Variants in GPC5 observed in about 807,000 individuals in gnomAD.
GPC5 encodes glypican 5, also known as glypican-5.
A neutral mutation model predicts 53.9 loss-of-function variants in GPC5; 47 were observed. The observed-to-expected ratio is 0.87, with a 90% CI of 0.69 to 1.11. The LOEUF is 1.11. Among genes scored for constraint, GPC5 ranks in the 50% most tolerant of loss-of-function variants. The pLI is 0.00. For synonymous variants in GPC5, 286 were observed against 263.3 expected, an observed-to-expected ratio of 1.09 and a Z score of -0.84; for missense variants, 748 against 713.1, an observed-to-expected ratio of 1.05 and a Z score of -0.56.
At position 91,544,286 on chromosome 13, in the gene GPC5, TTTC is replaced by T. The variant is rs1229501206; in HGVS notation, c.325+95370_325+95372del. Among the ~76,000 whole-genome samples the T allele has an allele frequency of 5.9e-5, 9 of 152,292 alleles. No homozygotes were observed. In the South Asian group the frequency reaches 1.2e-3, roughly 21 times the overall value. On this transcript the variant is annotated intron_variant, in intron 2 of 7. Coordinates refer to ENST00000377067, the MANE Select transcript of GPC5 (RefSeq NM_004466.6). ...TAATATTTTAAATTTAGAGTTTTAA[TTTC>T]TTCTTAGACACAATATTTTTAAAGA...
intron 7 of GPC5, among the ~76,000 whole-genome samples, chr13:92,469,272 G>A (rs1337495819): frequency 2.0e-5 from 3 of 151,746 alleles, no homozygotes; most frequent in South Asian, 2.1e-4. Flanking sequence ...GCAGTGGTGC[G>A]ATCTCAGCTC....
intron 2 of GPC5, among the ~76,000 whole-genome samples, chr13:91,477,212 G>A (rs1326582117): frequency 2.0e-5 from 3 of 151,968 alleles, no homozygotes; most frequent in African/African-American, 4.8e-5. Flanking sequence ...ATATGACATT[G>A]TAGCAATACA....
intron 7 of GPC5, among the ~76,000 whole-genome samples, chr13:92,775,090 T>A (rs1447756525): frequency 6.6e-6 from 1 of 152,198 alleles, no homozygotes; most frequent in Non-Finnish European, 1.5e-5. Flanking sequence ...GTCACAGTAT[T>A]TGAAGGCTAT....
At chr13:92,102,516 C>T (rs1018398374) in intron 6 of GPC5, among the ~76,000 whole-genome samples, 2 of 152,038 alleles carry the variant, frequency 1.3e-5, no homozygotes, top group African/African-American at 4.8e-5. Context: ...CAGAATAAGA[C>T]AATGTTTCTC....
In GPC5 at chr13:91,983,324, C is replaced by G. The variant is rs142256681; in HGVS notation, c.1401+75267C>G. On this transcript the variant is annotated intron_variant, in intron 6 of 7. Coordinates refer to ENST00000377067, the MANE Select transcript of GPC5 (RefSeq NM_004466.6). The stretch of plus-strand genomic sequence containing the variant: ...TAGCGCCACTGCACTTCAGCCTGGG[C>G]GACAGAGCCAGACCCTGTCTCAAAA... Among the ~76,000 whole-genome samples, 890 of 149,072 alleles carry G rather than the reference C, an allele frequency of 6.0e-3. 8 individuals are homozygous for G. The highest frequency in any genetic ancestry group is 0.02 in the African/African-American group (821 of 40,920).
intron 7 of GPC5, among the ~76,000 whole-genome samples, chr13:92,785,466 T>C (rs910636625): frequency 9.9e-5 from 15 of 152,204 alleles, no homozygotes; most frequent in African/African-American, 1.9e-4. Flanking sequence ...ATCTTCCTAA[T>C]TCATATGTGC....
At chr13:92,320,128 T>C (rs1053094833) in intron 7 of GPC5, among the ~76,000 whole-genome samples, 2 of 152,168 alleles carry the variant, frequency 1.3e-5, no homozygotes, top group Non-Finnish European at 2.9e-5. Context: ...AGGATATTGC[T>C]TATACATTAG....
At chr13:91,634,087 A>G (rs1022126293) in intron 2 of GPC5, among the ~76,000 whole-genome samples, 1 of 152,040 alleles carries the variant, frequency 6.6e-6, no homozygotes, top group Non-Finnish European at 1.5e-5. Context: ...TGAGGACATC[A>G]TTTATTGGCT....
intron 7 of GPC5, among the ~76,000 whole-genome samples, chr13:92,535,673 A>G (rs1387851193): frequency 6.6e-6 from 1 of 151,868 alleles, no homozygotes; most frequent in African/African-American, 2.4e-5. Flanking sequence ...TTTATTAAAA[A>G]AAAAAACAAC....
chr13:92,542,312 C>T (rs1481572706), intron 7 of GPC5, among the ~76,000 whole-genome samples: 1 of 151,890 alleles, frequency 6.6e-6, no homozygotes, highest in East Asian at 1.9e-4. Flanking sequence ...TATCAATTAA[C>T]CAACCTCACC....
chr13:92,378,063 C>T (rs1224538749), intron 7 of GPC5, among the ~76,000 whole-genome samples: 1 of 152,072 alleles, frequency 6.6e-6, no homozygotes, highest in African/African-American at 2.4e-5. Flanking sequence ...TATTCTCAGG[C>T]ATATTTCCTT....
intron 7 of GPC5, among the ~76,000 whole-genome samples, chr13:92,454,237 C>G (rs1878177635): frequency 6.6e-6 from 1 of 152,096 alleles, no homozygotes; most frequent in African/African-American, 2.4e-5. Flanking sequence ...CATTTTTTTC[C>G]TTTTACAAAA....
intron 7 of GPC5, among the ~76,000 whole-genome samples, chr13:92,586,948 ACACACACACACACACGCG>A: frequency 1.3e-5 from 1 of 75,716 alleles, no homozygotes; most frequent in Non-Finnish European, 2.7e-5. Flanking sequence ...TCTCTTGCAT[ACACACACACACACACGCG>A]CACACACACA....
At chr13:91,508,014 C>A (rs1223487488) in intron 2 of GPC5, among the ~76,000 whole-genome samples, 1 of 152,034 alleles carries the variant, frequency 6.6e-6, no homozygotes, top group Non-Finnish European at 1.5e-5. Flanking sequence ...TAGAAAATGT[C>A]TTGACTTTGA....
chr13:92,270,890 C>T (rs1264686613), intron 7 of GPC5, among the ~76,000 whole-genome samples: 2 of 152,138 alleles, frequency 1.3e-5, no homozygotes, highest in Admixed American at 1.3e-4. Context: ...TTATATAATA[C>T]ATAATCTTGC....
intron 6 of GPC5, among the ~76,000 whole-genome samples, chr13:91,948,514 T>C (rs1276551152): frequency 6.6e-6 from 1 of 152,056 alleles, no homozygotes; most frequent in African/African-American, 2.4e-5. Flanking sequence ...GAATTTGAGG[T>C]GAATGTTTTA....
At chr13:91,923,585 TA>T (rs1179466852) in intron 6 of GPC5, among the ~76,000 whole-genome samples, 1 of 151,976 alleles carries the variant, frequency 6.6e-6, no homozygotes, top group East Asian at 1.9e-4. Context: ...CTTATGAATG[TA>T]AGTTTTGCAT....
At chr13:92,461,539 G>T (rs533110351) in intron 7 of GPC5, among the ~76,000 whole-genome samples, 1 of 152,224 alleles carries the variant, frequency 6.6e-6, no homozygotes, top group Non-Finnish European at 1.5e-5. Flanking sequence ...GAATGTTTGT[G>T]TCCTGCTCCG....
At chr13:92,351,726 A>C (rs2043479293) in intron 7 of GPC5, among the ~76,000 whole-genome samples, 1 of 152,164 alleles carries the variant, frequency 6.6e-6, no homozygotes, top group Non-Finnish European at 1.5e-5. Flanking sequence ...AGCAAACTAG[A>C]AAGTTTAATT....
Sources: gnomAD v4.1 joint callset for allele counts (sites outside exome capture counted in the v4.1 genomes callset) on GRCh38, gnomAD v4.1.1 for gene constraint, MANE v1.5 for transcripts, NCBI Gene and HGNC (gene_info 2026-07-23, HGNC 2026-07-21) for gene names.